PLEKHA5: variants seen among roughly 807,000 people sequenced by gnomAD.
PLEKHA5 encodes the protein pleckstrin homology domain containing A5, also known as pleckstrin homology domain-containing family A member 5.
PLEKHA5 carries 55 observed loss-of-function variants against 181.9 expected under a neutral mutation model. That is an observed-to-expected ratio of 0.30 (90% CI 0.24 to 0.38). The LOEUF (loss-of-function observed/expected upper bound fraction) is 0.38, where lower values mean the gene tolerates loss of function less well. Among genes scored for constraint, PLEKHA5 ranks in the 10% least tolerant of loss-of-function variants. The pLI, the probability that PLEKHA5 is intolerant of heterozygous loss-of-function variation, is 1.00. For missense variants in PLEKHA5, 1,432 were observed against 1,549.5 expected (o/e 0.92, Z 1.27); for synonymous variants, 535 against 529.4 (o/e 1.01, Z -0.15).
intron 3 of PLEKHA5, among the ~76,000 whole-genome samples, chr12:19,251,257 T>C (rs927728812): frequency 1.3e-5 from 2 of 151,500 alleles, no homozygotes; most frequent in Non-Finnish European, 2.9e-5. Context: ...ATGGAAAAAA[T>C]TAGCCAGGCA....
chr12:19,132,052 C>CTT (rs531196693), intron 2 of PLEKHA5, among the ~76,000 whole-genome samples: 1 of 148,660 alleles, frequency 6.7e-6, no homozygotes, highest in Non-Finnish European at 1.5e-5. Context: ...TTATACCCAG[C>CTT]TTTTTTTTTT....
intron 11 of PLEKHA5, among the ~76,000 whole-genome samples, chr12:19,280,918 C>A (rs2075974407): frequency 6.6e-6 from 1 of 151,786 alleles, no homozygotes; most frequent in Non-Finnish European, 1.5e-5. Flanking sequence ...ACCATGTTGG[C>A]CAAGCTGGTC....
chr12:19,276,956 T>C (rs779006272), intron 11 of PLEKHA5, among the ~76,000 whole-genome samples: 6 of 152,140 alleles, frequency 3.9e-5, no homozygotes, highest in Non-Finnish European at 8.8e-5. Context: ...AATTGCACAT[T>C]AAAGAAACAA....
chr12:19,151,763 G>A (rs927300258), intron 3 of PLEKHA5: 1 of 151,182 alleles, frequency 6.6e-6, no homozygotes, highest in African/African-American at 2.4e-5. Flanking sequence ...TAATACTGTT[G>A]TCAAGTGTAA....
At chr12:19,327,257 T>G (rs1220456795) in intron 20 of PLEKHA5, among the ~76,000 whole-genome samples, 12 of 141,848 alleles carry the variant, frequency 8.5e-5, no homozygotes, top group African/African-American at 3.0e-4. Flanking sequence ...GTTTTTTTTT[T>G]TTTTTTTACT....
chr12:19,264,792 A>G (rs113575739), intron 7 of PLEKHA5, among the ~76,000 whole-genome samples: 1 of 152,004 alleles, frequency 6.6e-6, no homozygotes, highest in Non-Finnish European at 1.5e-5. Context: ...GAAAAACAAA[A>G]AAGTCACACA....
intron 7 of PLEKHA5, among the ~76,000 whole-genome samples, chr12:19,264,993 T>C (rs552771823): frequency 2.6e-5 from 4 of 152,336 alleles, no homozygotes; most frequent in Non-Finnish European, 4.4e-5. Flanking sequence ...TCAAGATTAA[T>C]GTTTATCATT....
chr12:19,259,122 C>G (rs1043377719), intron 6 of PLEKHA5, among the ~76,000 whole-genome samples: 2 of 151,798 alleles, frequency 1.3e-5, no homozygotes, highest in Non-Finnish European at 2.9e-5. Context: ...TTTGGGAGGC[C>G]GAGGCAGGAG....
chr12:19,300,447 C>A (rs894476659), intron 15 of PLEKHA5, among the ~76,000 whole-genome samples: 1 of 152,126 alleles, frequency 6.6e-6, no homozygotes, highest in Non-Finnish European at 1.5e-5. Context: ...TTTACAGTTA[C>A]AAAATTATAA....
intron 29 of PLEKHA5, among the ~76,000 whole-genome samples, chr12:19,364,556 A>G (rs1002127284): frequency 3.3e-5 from 5 of 152,086 alleles, no homozygotes; most frequent in African/African-American, 1.2e-4. Context: ...CCCTAATGCC[A>G]TAATGGATTT....
chr12:19,224,950 A>C (rs1032088559), intron 3 of PLEKHA5, among the ~76,000 whole-genome samples: 3 of 152,126 alleles, frequency 2.0e-5, no homozygotes, highest in South Asian at 4.1e-4. Flanking sequence ...ATAGTGTGCT[A>C]TTGTGACTGT....
chr12:19,174,629 T>C (rs1405875345), intron 3 of PLEKHA5, among the ~76,000 whole-genome samples: 2 of 152,180 alleles, frequency 1.3e-5, no homozygotes, highest in East Asian at 3.8e-4. Flanking sequence ...TACTGACCGA[T>C]GAGCTGATAC....
chr12:19,366,099 A>G lies in PLEKHA5; in HGVS notation c.3744A>G (p.Gln1248=). The change falls in exon 30 of 32, where the codon CAA becomes CAG. Residue 1248 remains glutamine (Q), a synonymous_variant. Coordinates refer to ENST00000429027, the MANE Select transcript of PLEKHA5 (RefSeq NM_001256470.2). ...CTCCTGAGGTTTCTAGAGGAAATCA[A>G]ACAATGGCAGGTAGGTAGTATACAC... ...ESTPEVSRGN[Q]TMAVKSLSPS... The G allele has an allele frequency of 6.2e-7, 1 of 1,611,092 alleles. No homozygotes were observed. Among genetic ancestry groups the G allele is most frequent in the East Asian group, 2.2e-5 (1 of 44,834 alleles).
chr12:19,223,135 G>A (rs189699041), intron 3 of PLEKHA5, among the ~76,000 whole-genome samples: 1 of 151,068 alleles, frequency 6.6e-6, no homozygotes, highest in East Asian at 2.0e-4. Flanking sequence ...GCTACAACCC[G>A]TGGCTCCTAA....
At chr12:19,175,678 A>C (rs945369307) in intron 3 of PLEKHA5, among the ~76,000 whole-genome samples, 4 of 152,184 alleles carry the variant, frequency 2.6e-5, no homozygotes, top group Admixed American at 2.0e-4. Context: ...TGTGCACTAT[A>C]CACATGTGTT....
intron 3 of PLEKHA5, among the ~76,000 whole-genome samples, chr12:19,192,331 T>C (rs927382279): frequency 2.0e-5 from 3 of 152,132 alleles, no homozygotes; most frequent in African/African-American, 7.2e-5. Context: ...AAGTTCACTT[T>C]AGTTAATGAA....
At chr12:19,296,572 T>C (rs1021893901) in intron 15 of PLEKHA5, among the ~76,000 whole-genome samples, 1 of 151,670 alleles carries the variant, frequency 6.6e-6, no homozygotes, top group African/African-American at 2.4e-5. Context: ...ATGTATTCAG[T>C]GTGCAAACCT....
intron 26 of PLEKHA5, among the ~76,000 whole-genome samples, chr12:19,356,844 A>G (rs1056143984): frequency 1.3e-5 from 2 of 151,718 alleles, no homozygotes; most frequent in Non-Finnish European, 2.9e-5. Context: ...TATTTTTAGT[A>G]GACACAGGGT....
chr12:19,234,286 G>GTGT (rs776291068), intron 3 of PLEKHA5, among the ~76,000 whole-genome samples: 2 of 152,292 alleles, frequency 1.3e-5, no homozygotes, highest in South Asian at 2.1e-4. Flanking sequence ...AAATGAGGTT[G>GTGT]TGTTATAATG....
Sources: allele counts gnomAD v4.1 joint callset (sites outside exome capture counted in the v4.1 genomes callset), GRCh38; gene constraint gnomAD v4.1.1; transcripts MANE v1.5; gene names NCBI Gene and HGNC (gene_info 2026-07-23, HGNC 2026-07-21).